KRIT1: variants seen among roughly 807,000 people sequenced by gnomAD.
KRIT1 encodes krev interaction trapped protein 1.
In KRIT1, 45 loss-of-function variants were observed where a neutral mutation model predicts 95.8. The observed-to-expected ratio is 0.47, with a 90% CI of 0.37 to 0.60. The LOEUF is 0.60. KRIT1 is among the 20% of genes least tolerant of loss of function. The pLI is 0.00. For synonymous variants in KRIT1, 282 were observed against 278.8 expected, an observed-to-expected ratio of 1.01 and a Z score of -0.11; for missense variants, 788 against 877.5, an observed-to-expected ratio of 0.90 and a Z score of 1.29.
intron 10 of KRIT1, among the ~76,000 whole-genome samples, chr7:92,233,161 TACAC>T (rs139965359): frequency 0.28 from 41,404 of 149,182 alleles, 5,733 homozygotes; most frequent in African/African-American, 0.29. Flanking sequence ...GATCTTTTTA[TACAC>T]ACACACACAC....
intron 3 of KRIT1, 63 bp from the exon 4 acceptor site, chr7:92,242,200 A>C (rs1003121426): frequency 2.5e-5 from 23 of 925,904 alleles, no homozygotes; most frequent in Non-Finnish European, 4.1e-5. Flanking sequence ...GGCAAGATAA[A>C]AAAAAGTAAT....
chr7:92,232,082 C>A (rs1797421146), intron 10 of KRIT1, among the ~76,000 whole-genome samples: 1 of 152,140 alleles, frequency 6.6e-6, no homozygotes, highest in Non-Finnish European at 1.5e-5. Flanking sequence ...CAGGTGCCTG[C>A]CACCACGCCC....
At chr7:92,216,228 CAAA>C (rs200120119) in intron 14 of KRIT1, among the ~76,000 whole-genome samples, 2 of 63,120 alleles carry the variant, frequency 3.2e-5, no homozygotes. Context: ...GACTCCATCT[CAAA>C]AAAAAAAAAA....
At chr7:92,202,483 T>C (rs1259936702) in intron 17 of KRIT1, 1 of 152,244 alleles carries the variant, frequency 6.6e-6, no homozygotes, top group Non-Finnish European at 1.5e-5. Flanking sequence ...CATGTATTAT[T>C]TGTGTACATA....
chr7:92,213,871 C>T, intron 16 of KRIT1, 21 bp downstream of exon 16: 1 of 1,432,834 alleles, frequency 7.0e-7, no homozygotes, highest in South Asian at 1.1e-5. Context: ...AATGTCTTTT[C>T]ATTTCTATTA....
chr7:92,207,685 C>A (rs1221865113), intron 17 of KRIT1, among the ~76,000 whole-genome samples: 1 of 152,034 alleles, frequency 6.6e-6, no homozygotes, highest in Non-Finnish European at 1.5e-5. Context: ...GGCTACACCT[C>A]GTCTCTACTA....
chr7:92,225,884 G>A (rs527875393), intron 11 of KRIT1, 57 bp from the exon 12 acceptor site: 25 of 896,296 alleles, frequency 2.8e-5, no homozygotes, highest in African/African-American at 1.6e-4. Flanking sequence ...GTATTCTAAG[G>A]GAAAATGTCA....
intron 4 of KRIT1, 132 bp downstream of exon 4, chr7:92,241,902 A>T: frequency 1.6e-6 from 1 of 610,602 alleles, no homozygotes; most frequent in Non-Finnish European, 2.9e-6. Context: ...AAAAAAGACA[A>T]AATAATGGGC....
At chr7:92,204,422 T>C (rs1319391230) in intron 17 of KRIT1, among the ~76,000 whole-genome samples, 1 of 152,032 alleles carries the variant, frequency 6.6e-6, no homozygotes, top group East Asian at 1.9e-4. Context: ...TTTGGGATGA[T>C]TCAAGCCCAT....
At chr7:92,213,085 T>C in intron 17 of KRIT1, 110 bp downstream of exon 17, 2 of 709,972 alleles carry the variant, frequency 2.8e-6, no homozygotes, top group East Asian at 2.6e-5. Context: ...AATGAATGAG[T>C]TGCAATGAAC....
intron 10 of KRIT1, among the ~76,000 whole-genome samples, chr7:92,232,582 C>G (rs1409982387): frequency 6.6e-6 from 1 of 151,440 alleles, no homozygotes; most frequent in Non-Finnish European, 1.5e-5. Context: ...CTTGGGATTC[C>G]TCAACTAAAA....
At chr7:92,213,061 C>T (rs1302745940) in intron 17 of KRIT1, 134 bp downstream of exon 17, 5 of 640,980 alleles carry the variant, frequency 7.8e-6, no homozygotes, top group Admixed American at 2.4e-5. Context: ...TTAGTGTCCC[C>T]CTTCCTCTTA....
At chr7:92,227,645 G>A (rs1796465304) in intron 10 of KRIT1, among the ~76,000 whole-genome samples, 2 of 151,730 alleles carry the variant, frequency 1.3e-5, no homozygotes, top group South Asian at 2.1e-4. Flanking sequence ...AGAGATTCTC[G>A]TGTCTCAGCC....
At chr7:92,216,121 C>T (rs991263889) in intron 14 of KRIT1, among the ~76,000 whole-genome samples, 3 of 150,060 alleles carry the variant, frequency 2.0e-5, no homozygotes, top group Admixed American at 1.3e-4. Context: ...CCCAGCTACT[C>T]GGGAGGCTGA....
At chr7:92,221,639 T>C (rs1299703223) in intron 14 of KRIT1, among the ~76,000 whole-genome samples, 2 of 152,240 alleles carry the variant, frequency 1.3e-5, no homozygotes, top group Non-Finnish European at 2.9e-5. Context: ...TTTTTTTTCC[T>C]GTATAATTTG....
intron 6 of KRIT1, 111 bp from the exon 7 acceptor site, chr7:92,236,653 T>C: frequency 1.3e-6 from 1 of 767,988 alleles, no homozygotes; most frequent in Non-Finnish European, 2.2e-6. Context: ...TAAAATAAAT[T>C]GTTCTAGATT....
intron 3 of KRIT1, among the ~76,000 whole-genome samples, chr7:92,243,298 G>T (rs1001333715): frequency 6.6e-6 from 1 of 151,930 alleles, no homozygotes; most frequent in African/African-American, 2.4e-5. Flanking sequence ...TTTCTTTCAT[G>T]GCTACACTAA....
At chr7:92,207,702 C>G (rs1325266943) in intron 17 of KRIT1, among the ~76,000 whole-genome samples, 1 of 151,940 alleles carries the variant, frequency 6.6e-6, no homozygotes, top group Non-Finnish European at 1.5e-5. Context: ...ACTAAAAATA[C>G]AAAAATTAGC....
chr7:92,201,587 C>T lies in KRIT1; in HGVS notation c.2026-164G>A, dbSNP rs544167169. ...TTCTGGGGTACACGTGCAGAATGTG[C>T]AGTTTTGTTACATAGACATACACAT... is the stretch of plus-strand genomic sequence containing the variant. On this transcript the variant is annotated intron_variant, in intron 17 of 18. Transcript: ENST00000394505. 2.1e-4 allele frequency: 126 copies of T among 595,494 alleles called. 1 individual carries two copies. The highest frequency in any genetic ancestry group is 2.1e-3 in the African/African-American group (114 of 53,884). 36.9% of individuals were successfully genotyped at this position (595,494 alleles called of 1,614,324 possible).
Sources: allele counts gnomAD v4.1 joint callset (sites outside exome capture counted in the v4.1 genomes callset), GRCh38; gene constraint gnomAD v4.1.1; transcripts MANE v1.5; gene names NCBI Gene and HGNC (gene_info 2026-07-23, HGNC 2026-07-21).